The following ENOX1 variants were observed in gnomAD, a reference collection of about 807,000 sequenced individuals.
The protein encoded by ENOX1 is candidate growth-related and time keeping constitutive hydroquinone (NADH) oxidase.
ENOX1 carries 42 observed loss-of-function variants against 82.5 expected under a neutral mutation model. The ratio of observed to expected loss-of-function variants is 0.51; its 90% CI spans 0.40 to 0.66. The LOEUF is 0.66. Ranked by LOEUF, ENOX1 falls within the 30% of genes least tolerant of loss-of-function variation. ENOX1 has a pLI of 0.00. For synonymous variants in ENOX1, 271 were observed against 282.2 expected, an observed-to-expected ratio of 0.96 and a Z score of 0.40; for missense variants, 608 against 811.6, an observed-to-expected ratio of 0.75 and a Z score of 3.05.
chr13:43,727,392 CAT>C (rs1166285198), intron 1 of ENOX1, among the ~76,000 whole-genome samples: 1 of 152,174 alleles, frequency 6.6e-6, no homozygotes, highest in Non-Finnish European at 1.5e-5. Context: ...ACAACTTAGA[CAT>C]AGATAAAAAT....
chr13:43,709,238 T>C (rs185383572), intron 1 of ENOX1, among the ~76,000 whole-genome samples: 1 of 152,124 alleles, frequency 6.6e-6, no homozygotes, highest in East Asian at 1.9e-4. Flanking sequence ...CAAATATTGA[T>C]GAGGTAATAG....
At chr13:43,535,695 G>A (rs1322370380) in intron 2 of ENOX1, among the ~76,000 whole-genome samples, 1 of 151,944 alleles carries the variant, frequency 6.6e-6, no homozygotes, top group Non-Finnish European at 1.5e-5. Context: ...TGGTATTTTT[G>A]GGATTTGTCA....
chr13:43,340,858 A>G (rs1039133919), intron 9 of ENOX1, among the ~76,000 whole-genome samples: 1 of 152,182 alleles, frequency 6.6e-6, no homozygotes, highest in African/African-American at 2.4e-5. Context: ...TATTTCTTGC[A>G]TATTTCTATG....
intron 3 of ENOX1, among the ~76,000 whole-genome samples, chr13:43,446,709 T>C (rs1010909216): frequency 1.8e-4 from 28 of 152,226 alleles, no homozygotes; most frequent in Non-Finnish European, 2.5e-4. Context: ...GCCAGTTTAA[T>C]CTGTCTCTAC....
At chr13:43,431,290 T>G (rs1297263550) in intron 3 of ENOX1, among the ~76,000 whole-genome samples, 2 of 152,154 alleles carry the variant, frequency 1.3e-5, no homozygotes, top group African/African-American at 4.8e-5. Context: ...ACACAGATGC[T>G]TTTACTCTTC....
intron 5 of ENOX1, among the ~76,000 whole-genome samples, chr13:43,403,351 G>A (rs1237411108): frequency 1.3e-5 from 2 of 152,150 alleles, no homozygotes; most frequent in Non-Finnish European, 2.9e-5. Flanking sequence ...CCATGGAATA[G>A]AAAAGTGACT....
intron 2 of ENOX1, among the ~76,000 whole-genome samples, chr13:43,509,595 G>A (rs1003139437): frequency 2.0e-5 from 3 of 152,062 alleles, no homozygotes; most frequent in African/African-American, 7.2e-5. Context: ...TAACTACTCT[G>A]CAATATAGAT....
At chr13:43,588,518 C>T (rs2081094647) in intron 2 of ENOX1, among the ~76,000 whole-genome samples, 1 of 152,090 alleles carries the variant, frequency 6.6e-6, no homozygotes, top group South Asian at 2.1e-4. Context: ...TAATGTGGAC[C>T]AGTATGATCT....
rs186292087 is a variant in ENOX1 at position 43,462,547 on chromosome 13, G to A, written c.-75+21462C>T. ...CTCAAACATAATAGGCTTAATCAGA[G>A]ATAAATTAAATTAGGCAGCCATGCA... is the stretch of plus-strand genomic sequence containing the variant. On this transcript the variant is annotated intron_variant, in intron 3 of 16. Coordinates refer to ENST00000690772, the MANE Select transcript of ENOX1 (RefSeq NM_001347969.2). Among the ~76,000 whole-genome samples the A allele has an allele frequency of 1.5e-3, 234 of 152,200 alleles. 1 individual carries two copies. The highest frequency in any genetic ancestry group is 1.7e-3 in the South Asian group (8 of 4,822).
chr13:43,315,963 C>T (rs191850571), intron 11 of ENOX1, among the ~76,000 whole-genome samples: 15 of 152,186 alleles, frequency 9.9e-5, no homozygotes, highest in Non-Finnish European at 1.5e-4. Flanking sequence ...TGCACACAGG[C>T]GGCGGTGCAG....
intron 3 of ENOX1, among the ~76,000 whole-genome samples, chr13:43,438,242 G>C (rs2056150140): frequency 6.6e-6 from 1 of 152,174 alleles, no homozygotes; most frequent in Non-Finnish European, 1.5e-5. Flanking sequence ...ATAATTCTTA[G>C]AGAAGTACAG....
At chr13:43,530,976 C>T (rs1380307361) in intron 2 of ENOX1, among the ~76,000 whole-genome samples, 1 of 151,818 alleles carries the variant, frequency 6.6e-6, no homozygotes, top group Non-Finnish European at 1.5e-5. Flanking sequence ...CATAAACAAT[C>T]TGGGGAAGTC....
At chr13:43,615,967 C>T (rs1475770488) in intron 2 of ENOX1, among the ~76,000 whole-genome samples, 1 of 150,892 alleles carries the variant, frequency 6.6e-6, no homozygotes, top group Non-Finnish European at 1.5e-5. Flanking sequence ...TGTATATGTG[C>T]CACATTTTCT....
chr13:43,745,210 A>C (rs1949956656), intron 1 of ENOX1, among the ~76,000 whole-genome samples: 1 of 152,194 alleles, frequency 6.6e-6, no homozygotes, highest in Non-Finnish European at 1.5e-5. Flanking sequence ...ATGAGACGGA[A>C]CAGAAAACAA....
chr13:43,571,400 C>T (rs374314659), intron 2 of ENOX1, among the ~76,000 whole-genome samples: 7 of 152,130 alleles, frequency 4.6e-5, no homozygotes, highest in South Asian at 2.1e-4. Flanking sequence ...AAAAGTAGGC[C>T]GGGCGCGGTG....
At position 43,266,122 on chromosome 13, in the gene ENOX1, TTTAA is replaced by T. The variant is rs753245098; in HGVS notation, c.1555-672_1555-669del. ...AGTTATAAGGAGGTTTCAGGAAACC[TTTAA>T]TTGTCATTTTATCCTATCCTGACGC... On this transcript the variant is annotated intron_variant, in intron 13 of 16. Coordinates refer to ENST00000690772, the MANE Select transcript of ENOX1 (RefSeq NM_001347969.2). Among the ~76,000 whole-genome samples, 30 of 152,324 alleles carry T rather than the reference TTTAA, an allele frequency of 2.0e-4. No homozygotes were observed. In the East Asian group the frequency reaches 5.6e-3, roughly 28 times the overall value.
At chr13:43,247,902 T>G (rs1272483043) in intron 14 of ENOX1, among the ~76,000 whole-genome samples, 2 of 66,496 alleles carry the variant, frequency 3.0e-5, no homozygotes, top group Non-Finnish European at 5.6e-5. Context: ...TTTTTTTTTT[T>G]TGAGACGGAG....
chr13:43,452,126 CT>C (rs796987884), intron 3 of ENOX1, among the ~76,000 whole-genome samples: 2 of 152,114 alleles, frequency 1.3e-5, no homozygotes, highest in African/African-American at 2.4e-5. Context: ...CTCTTTCTTT[CT>C]TTTTTTTATT....
At chr13:43,739,318 C>A (rs552855005) in intron 1 of ENOX1, among the ~76,000 whole-genome samples, 4 of 152,034 alleles carry the variant, frequency 2.6e-5, no homozygotes, top group African/African-American at 4.8e-5. Context: ...GAGGCCAAGT[C>A]GGGCAGATTG....
Sources: gnomAD v4.1 joint callset for allele counts (sites outside exome capture counted in the v4.1 genomes callset) on GRCh38, gnomAD v4.1.1 for gene constraint, MANE v1.5 for transcripts, NCBI Gene and HGNC (gene_info 2026-07-23, HGNC 2026-07-21) for gene names.